Variants in MAPK8IP3 observed in about 807,000 individuals in gnomAD.
MAPK8IP3 encodes the protein mitogen-activated protein kinase 8 interacting protein 3, also known as C-Jun-amino-terminal kinase-interacting protein 3.
In MAPK8IP3, 49 loss-of-function variants were observed where a neutral mutation model predicts 157.8. That is an observed-to-expected ratio of 0.31 (90% CI 0.25 to 0.39). The LOEUF is 0.39. Among genes scored for constraint, MAPK8IP3 ranks in the 10% least tolerant of loss-of-function variants. The pLI, the probability that MAPK8IP3 is intolerant of heterozygous loss-of-function variation, is 1.00. For synonymous variants in MAPK8IP3, 897 were observed against 777.7 expected (o/e 1.15, Z -2.55); for missense variants, 1,478 against 1,889.4 (o/e 0.78, Z 4.04).
intron 7 of MAPK8IP3, 113 bp downstream of exon 7, chr16:1,748,459 T>C: frequency 8.6e-7 from 1 of 1,156,258 alleles, no homozygotes; most frequent in South Asian, 1.3e-5. Context: ...GGCTGTGGCC[T>C]ACCGCCTCCA....
intron 20 of MAPK8IP3, among the ~76,000 whole-genome samples, 197 bp from the exon 21 acceptor site, chr16:1,765,763 C>G (rs2042220425): frequency 6.6e-6 from 1 of 152,216 alleles, no homozygotes; most frequent in Non-Finnish European, 1.5e-5. Context: ...GCCTACCCAA[C>G]AGAGCAGGCT....
intron 2 of MAPK8IP3, among the ~76,000 whole-genome samples, chr16:1,725,933 G>A (rs1043330114): frequency 1.3e-5 from 2 of 152,132 alleles, no homozygotes; most frequent in African/African-American, 4.8e-5. Context: ...TTCTGACCTC[G>A]TGATCCTCCC....
chr16:1,739,465 CGTGTGACCGTCCGTGTGAGCAT>C (rs2040459246), intron 4 of MAPK8IP3, among the ~76,000 whole-genome samples: 3 of 95,796 alleles, frequency 3.1e-5, no homozygotes, highest in African/African-American at 4.3e-5. Flanking sequence ...TGTGAGCTTC[CGTGTGACCGTCCGTGTGAGCAT>C]GTGTGACCGT....
In MAPK8IP3 at chr16:1,762,662, C is replaced by T; in HGVS notation, c.1671-13C>T. 1.3e-6 allele frequency: 2 copies of T among 1,543,402 alleles called. No individual in the cohort carries two copies. Among genetic ancestry groups the T allele is most frequent in the Non-Finnish European group, 8.7e-7 (1 of 1,143,182 alleles). On this transcript the variant is annotated splice_polypyrimidine_tract_variant and intron_variant, in intron 14 of 31. Transcript: ENST00000610761. ...GGGCACTAGCAGGTTGCTCCCTGTGCCCTCCCCTGCAGAGCGTCCCGAGAG... is the reference window on the plus strand; with the variant it reads ...GGGCACTAGCAGGTTGCTCCCTGTGTCCTCCCCTGCAGAGCGTCCCGAGAG...
intron 1 of MAPK8IP3, among the ~76,000 whole-genome samples, chr16:1,708,501 C>T (rs181010717): frequency 1.6e-3 from 244 of 152,314 alleles, no homozygotes; most frequent in African/African-American, 5.6e-3. Flanking sequence ...AGATGGACAA[C>T]GTTAAGGCTA....
At chr16:1,762,300 G>A (rs2041999199) in intron 13 of MAPK8IP3, 51 bp from the exon 14 acceptor site, 2 of 1,520,496 alleles carry the variant, frequency 1.3e-6, no homozygotes, top group African/African-American at 1.4e-5. Flanking sequence ...GGAAGCAGGT[G>A]TCACCCGGCC....
In MAPK8IP3 at chr16:1,743,320, C is replaced by G; in HGVS notation, c.603-12C>G. ...TAACCATCGCTTCCTCTCCTCTCGC[C>G]CCCCATTTCAGCAGGAAGGAGCGCC... is the stretch of plus-strand genomic sequence containing the variant. On this transcript the variant is annotated splice_polypyrimidine_tract_variant and intron_variant, in intron 4 of 31. Transcript: ENST00000610761. The surrounding 1 kb of genome is among the most constrained non-coding windows in gnomAD (Gnocchi z 5.6). The G allele has an allele frequency of 1.3e-6, 2 of 1,543,524 alleles. No homozygotes were observed. The highest frequency in any genetic ancestry group is 1.7e-6 in the Non-Finnish European group (2 of 1,152,760).
At position 1,768,575 on chromosome 16, in the gene MAPK8IP3, C is replaced by A; in HGVS notation, c.3841C>A (p.Arg1281=). ...CTCGGAGGTCGAGGGCCAGAAGCTGCGGAACGTGCTGGTGCTGAGCGGCGG... is the reference window on the plus strand; with the variant it reads ...CTCGGAGGTCGAGGGCCAGAAGCTGAGGAACGTGCTGGTGCTGAGCGGCGG... ...PASEVEGQKL[R]NVLVLSGGEG... Residue 1281 remains arginine, a synonymous_variant, in exon 31 of 32, where the codon CGG becomes AGG. Coordinates refer to ENST00000610761, the MANE Select transcript of MAPK8IP3 (RefSeq NM_001318852.2). 1 of 1,586,760 alleles carries A rather than the reference C, an allele frequency of 6.3e-7. No individual in the cohort carries two copies. Among genetic ancestry groups the A allele is most frequent in the South Asian group, 1.1e-5 (1 of 88,318 alleles).
At chr16:1,738,340 GTCCGTGTGTGTGAC>G (rs2040233547) in intron 4 of MAPK8IP3, among the ~76,000 whole-genome samples, 1 of 92,442 alleles carries the variant, frequency 1.1e-5, no homozygotes, top group Non-Finnish European at 2.1e-5. Context: ...GCGTGTGACC[GTCCGTGTGTGTGAC>G]CATCCGTGTG....
intron 4 of MAPK8IP3, among the ~76,000 whole-genome samples, chr16:1,739,906 G>C (rs1469568206): frequency 8.7e-6 from 1 of 114,822 alleles, no homozygotes; most frequent in Non-Finnish European, 1.7e-5. Context: ...GAGCATCCCT[G>C]TGACCGTCCG....
chr16:1,723,004 T>A (rs900179922), intron 1 of MAPK8IP3, among the ~76,000 whole-genome samples: 8 of 150,872 alleles, frequency 5.3e-5, no homozygotes, highest in Non-Finnish European at 7.4e-5. Flanking sequence ...CCTGGCCAAT[T>A]TTTTTTGTTT....
At chr16:1,708,792 C>T (rs542653915) in intron 1 of MAPK8IP3, among the ~76,000 whole-genome samples, 9 of 152,154 alleles carry the variant, frequency 5.9e-5, no homozygotes, top group African/African-American at 1.9e-4. Flanking sequence ...TAAACGCTAA[C>T]GGGGCGCCCT....
chr16:1,708,330 G>A (rs777505291), intron 1 of MAPK8IP3, among the ~76,000 whole-genome samples: 1 of 152,234 alleles, frequency 6.6e-6, no homozygotes, highest in Non-Finnish European at 1.5e-5. Context: ...GGCTGCCCTC[G>A]CTCAGCTGTG....
In MAPK8IP3 at chr16:1,710,284, G is replaced by A. The variant is rs1344114983; in HGVS notation, c.318+3627G>A. Among the ~76,000 whole-genome samples, 5 of 150,840 alleles carry A rather than the reference G, an allele frequency of 3.3e-5. No individual in the cohort carries two copies. In the East Asian group the frequency reaches 5.9e-4, roughly 18 times the overall value. Reference sequence around the variant, plus strand: ...TTGAGACCAGCCTGGCGAACCTGGCGAAACCCTGTCTCTACTAAAGAAAAA... The same window carrying A: ...TTGAGACCAGCCTGGCGAACCTGGCAAAACCCTGTCTCTACTAAAGAAAAA... On this transcript the variant is annotated intron_variant, in intron 1 of 31. Coordinates refer to ENST00000610761, the MANE Select transcript of MAPK8IP3 (RefSeq NM_001318852.2). This position sits in a 1 kb window ranked among gnomAD's most constrained non-coding sequence, Gnocchi z 4.1.
rs541741547 is a variant in MAPK8IP3 at position 1,733,345 on chromosome 16, A to G, written c.602+3767A>G. Among the ~76,000 whole-genome samples, 7 of 152,142 alleles carry G rather than the reference A, an allele frequency of 4.6e-5. No homozygotes were observed. The East Asian group carries it at 1.4e-3, about 29-fold the overall frequency. ...AGAGCCCAGGTTCCGAGTTGCAGTG[A>G]TCCCCACCCCAGGCCCACAGACAAC... On this transcript the variant is annotated intron_variant, in intron 4 of 31. Coordinates refer to ENST00000610761, the MANE Select transcript of MAPK8IP3 (RefSeq NM_001318852.2).
intron 9 of MAPK8IP3, among the ~76,000 whole-genome samples, chr16:1,758,747 T>C (rs1596757603): frequency 6.6e-6 from 1 of 152,352 alleles, no homozygotes; most frequent in African/African-American, 2.4e-5. Context: ...GACACTGGCC[T>C]GGCAGTCTTC....
chr16:1,717,913 A>T (rs944107998), intron 1 of MAPK8IP3, among the ~76,000 whole-genome samples: 1 of 151,408 alleles, frequency 6.6e-6, no homozygotes, highest in Non-Finnish European at 1.5e-5. Context: ...GTGCAGTGGC[A>T]CGATCTCAGC....
rs1002747439 is a variant in MAPK8IP3 at position 1,729,565 on chromosome 16, C to G, written c.589C>G (p.Leu197Val). The change falls in exon 4 of 32, where the codon CTG (leucine) becomes GTG (valine). Residue 197 changes from leucine to valine, a missense_variant. Physicochemically the swap from Leu to Val is conservative, Grantham distance 32. Around this residue, in one of 11 missense-constraint regions of MAPK8IP3, gnomAD observed 315 missense variants for 394.4 expected, o/e 0.80. Transcript: ENST00000610761. ...VGGNSQTESS[L>V]PGRSRKERPT... is the part of the protein sequence containing the mutation. ...AGGAAACAGCCAGACCGAGAGCAGCCTGCCGGGGCGGAGGTACGCGGGGCG... is the reference window on the plus strand; with the variant it reads ...AGGAAACAGCCAGACCGAGAGCAGCGTGCCGGGGCGGAGGTACGCGGGGCG... The G allele has an allele frequency of 6.2e-7, 1 of 1,606,410 alleles. No individual in the cohort carries two copies. The highest frequency in any genetic ancestry group is 8.5e-7 in the Non-Finnish European group (1 of 1,176,816).
intron 4 of MAPK8IP3, among the ~76,000 whole-genome samples, chr16:1,737,030 A>G (rs1296626285): frequency 2.4e-4 from 8 of 33,014 alleles, no homozygotes; most frequent in African/African-American, 5.8e-4. Flanking sequence ...GTGACCATCC[A>G]TGTGAGCATC....
Sources: allele counts gnomAD v4.1 joint callset (sites outside exome capture counted in the v4.1 genomes callset), GRCh38; gene constraint gnomAD v4.1.1; regional missense constraint gnomAD v4.1.1; non-coding constraint Gnocchi (gnomAD v3.1); transcripts MANE v1.5; gene names NCBI Gene and HGNC (gene_info 2026-07-23, HGNC 2026-07-21).